Variants in NXPE2 observed in about 807,000 individuals in gnomAD.
NXPE2 encodes neurexophilin and PC-esterase domain family member 2.
Under a neutral mutation model 34.4 loss-of-function variants are expected in NXPE2, and 34 were observed. The ratio of observed to expected loss-of-function variants is 0.99; its 90% CI spans 0.75 to 1.31. The LOEUF (loss-of-function observed/expected upper bound fraction) is 1.31, where lower values mean the gene tolerates loss of function less well. NXPE2 is among the 40% of genes most tolerant of loss of function. The pLI, the probability that NXPE2 is intolerant of heterozygous loss-of-function variation, is 0.00. For missense variants in NXPE2, 649 were observed against 672.5 expected (o/e 0.97, Z 0.39); for synonymous variants, 235 against 231.3 (o/e 1.02, Z -0.15).
the NXPE2 span, among the ~76,000 whole-genome samples, chr11:114,733,955 G>A: frequency 6.6e-6 from 1 of 152,148 alleles, no homozygotes; most frequent in Non-Finnish European, 1.5e-5. Flanking sequence ...TGTGTTACAG[G>A]TCTTTTATGA....
chr11:114,766,266 A>G, the NXPE2 span, among the ~76,000 whole-genome samples: 1 of 151,978 alleles, frequency 6.6e-6, no homozygotes, highest in Admixed American at 6.6e-5. Flanking sequence ...CCTGTTCTTG[A>G]TTCCCTCCAA....
the NXPE2 span, chr11:114,551,130 A>G: frequency 5.2e-6 from 8 of 1,531,224 alleles, no homozygotes; most frequent in Admixed American, 1.6e-4. Flanking sequence ...AAATTATAAA[A>G]ATCATCCAGG....
At chr11:114,724,231 C>T in the NXPE2 span, among the ~76,000 whole-genome samples, 1 of 152,118 alleles carries the variant, frequency 6.6e-6, no homozygotes, top group African/African-American at 2.4e-5. Flanking sequence ...CAGGTCTGTA[C>T]AATTCTTCCA....
At chr11:114,601,923 A>ATAT in the NXPE2 span, among the ~76,000 whole-genome samples, 24,769 of 70,234 alleles carry the variant, frequency 0.35, 4,630 homozygotes, top group Admixed American at 0.39. Flanking sequence ...ATTATATATA[A>ATAT]TATATTTATA....
chr11:114,582,439 C>A, the NXPE2 span: 3 of 1,614,162 alleles, frequency 1.9e-6, no homozygotes, highest in South Asian at 2.2e-5. Flanking sequence ...CACAATTCAG[C>A]ATTTGTGTTT....
At chr11:114,611,883 C>T in the NXPE2 span, among the ~76,000 whole-genome samples, 4 of 151,764 alleles carry the variant, frequency 2.6e-5, no homozygotes, top group African/African-American at 9.7e-5. Context: ...AGAAATATTG[C>T]CTCATGGGTA....
the NXPE2 span, among the ~76,000 whole-genome samples, chr11:114,607,395 G>A: frequency 1.3e-5 from 2 of 151,968 alleles, no homozygotes; most frequent in Non-Finnish European, 2.9e-5. Context: ...TGCCTCTTGG[G>A]TAACCACTGT....
chr11:114,667,933 A>T, the NXPE2 span, among the ~76,000 whole-genome samples: 2 of 151,998 alleles, frequency 1.3e-5, no homozygotes, highest in African/African-American at 4.8e-5. Flanking sequence ...ACTAAGTTAC[A>T]CAGCAGTAGA....
At chr11:114,719,029 TG>T in the NXPE2 span, among the ~76,000 whole-genome samples, 9 of 152,322 alleles carry the variant, frequency 5.9e-5, no homozygotes, top group South Asian at 1.7e-3. Context: ...GAGTGATCGT[TG>T]GGAAGGATGA....
the NXPE2 span, chr11:114,582,536 T>G: frequency 1.2e-6 from 2 of 1,614,142 alleles, no homozygotes; most frequent in Non-Finnish European, 1.7e-6. Context: ...CTTGGTTCCT[T>G]GCACTCCAGA....
chr11:114,774,228 A>T, the NXPE2 span, among the ~76,000 whole-genome samples: 1 of 152,162 alleles, frequency 6.6e-6, no homozygotes, highest in Non-Finnish European at 1.5e-5. Context: ...GTTCACTATC[A>T]CTAAGGGCAG....
At chr11:114,628,958 C>G in the NXPE2 span, among the ~76,000 whole-genome samples, 2 of 151,624 alleles carry the variant, frequency 1.3e-5, no homozygotes, top group African/African-American at 2.4e-5. Context: ...TACACCCTCC[C>G]AAGACTAAAC....
the NXPE2 span, among the ~76,000 whole-genome samples, chr11:114,510,638 G>A: frequency 2.0e-5 from 3 of 152,152 alleles, no homozygotes; most frequent in South Asian, 6.2e-4. Context: ...CTGATCCATG[G>A]TTAGAAAGCA....
At chr11:114,739,590 G>T in the NXPE2 span, among the ~76,000 whole-genome samples, 1 of 152,128 alleles carries the variant, frequency 6.6e-6, no homozygotes, top group Non-Finnish European at 1.5e-5. Flanking sequence ...TGTGTGTGGT[G>T]AGAATACTTA....
chr11:114,471,635 A>T, the NXPE2 span, among the ~76,000 whole-genome samples: 2 of 152,308 alleles, frequency 1.3e-5, no homozygotes, highest in Non-Finnish European at 2.9e-5. Flanking sequence ...ATTCTAATAT[A>T]GTCAAGAAAA....
the NXPE2 span, among the ~76,000 whole-genome samples, chr11:114,725,976 A>ATGTAT: frequency 9.8e-6 from 1 of 101,758 alleles, no homozygotes; most frequent in South Asian, 3.3e-4. Flanking sequence ...ATAAAAAAAA[A>ATGTAT]ATATATATAT....
chr11:114,605,659 A>G, the NXPE2 span, among the ~76,000 whole-genome samples: 1 of 151,872 alleles, frequency 6.6e-6, no homozygotes, highest in East Asian at 1.9e-4. Flanking sequence ...GCTGGTGGAT[A>G]ATACATGTTG....
At chr11:114,763,689 A>G in the NXPE2 span, among the ~76,000 whole-genome samples, 1 of 152,172 alleles carries the variant, frequency 6.6e-6, no homozygotes, top group African/African-American at 2.4e-5. Context: ...TAAATATTCC[A>G]TCACCAGTGC....
chr11:114,714,870 A>G, the NXPE2 span, among the ~76,000 whole-genome samples: 1 of 152,110 alleles, frequency 6.6e-6, no homozygotes, highest in South Asian at 2.1e-4. Flanking sequence ...AAAAATACAA[A>G]AATTAGCCGG....
Sources: allele counts gnomAD v4.1 joint callset (sites outside exome capture counted in the v4.1 genomes callset), GRCh38; gene constraint gnomAD v4.1.1; transcripts MANE v1.5; gene names NCBI Gene and HGNC (gene_info 2026-07-23, HGNC 2026-07-21).